PTPRD: variants seen among roughly 807,000 people sequenced by gnomAD.
PTPRD encodes protein tyrosine phosphatase receptor type D, also known as receptor-type tyrosine-protein phosphatase delta.
PTPRD carries 34 observed loss-of-function variants against 214.5 expected under a neutral mutation model. That is an observed-to-expected ratio of 0.16 (90% CI 0.12 to 0.21). PTPRD has a LOEUF of 0.21. Among genes scored for constraint, PTPRD ranks in the 10% least tolerant of loss-of-function variants. The pLI, the probability that PTPRD is intolerant of heterozygous loss-of-function variation, is 1.00. For synonymous variants in PTPRD, 1,128 were observed against 845.7 expected (o/e 1.33, Z -5.79); for missense variants, 2,545 against 2,398.7 (o/e 1.06, Z -1.27).
chr9:10,362,418 A>G (rs2097411979), intron 2 of PTPRD, among the ~76,000 whole-genome samples: 1 of 151,762 alleles, frequency 6.6e-6, no homozygotes, highest in Non-Finnish European at 1.5e-5. Context: ...GTATATCAAA[A>G]GGAACTGAGC....
At chr9:9,653,407 G>A (rs1364898781) in intron 7 of PTPRD, among the ~76,000 whole-genome samples, 1 of 109,010 alleles carries the variant, frequency 9.2e-6, no homozygotes, top group African/African-American at 3.3e-5. Flanking sequence ...CTCATTTTAC[G>A]CCTAAAGAAA....
At chr9:10,092,480 C>T (rs2098442183) in intron 3 of PTPRD, among the ~76,000 whole-genome samples, 1 of 151,268 alleles carries the variant, frequency 6.6e-6, no homozygotes, top group Non-Finnish European at 1.5e-5. Flanking sequence ...ATATTATGGT[C>T]AAAATTACCT....
At chr9:8,649,474 G>A (rs1199297809) in intron 12 of PTPRD, among the ~76,000 whole-genome samples, 1 of 152,336 alleles carries the variant, frequency 6.6e-6, no homozygotes, top group Non-Finnish European at 1.5e-5. Context: ...AGTGAAAGTA[G>A]CTACTATATC....
At chr9:9,201,220 A>G (rs879750548) in intron 9 of PTPRD, among the ~76,000 whole-genome samples, 3 of 152,294 alleles carry the variant, frequency 2.0e-5, no homozygotes, top group Non-Finnish European at 4.4e-5. Flanking sequence ...AAACTAAAAT[A>G]AATGTTGGAA....
chr9:10,233,286 T>A (rs1230987933), intron 3 of PTPRD, among the ~76,000 whole-genome samples: 3 of 152,000 alleles, frequency 2.0e-5, no homozygotes, highest in African/African-American at 7.2e-5. Context: ...AAATTCTTCC[T>A]GCTTGCATGC....
chr9:8,934,686 C>A (rs564340277), intron 11 of PTPRD, among the ~76,000 whole-genome samples: 1 of 149,792 alleles, frequency 6.7e-6, no homozygotes, highest in East Asian at 2.0e-4. Context: ...TAACTATAGT[C>A]GCCATGCTAT....
intron 35 of PTPRD, among the ~76,000 whole-genome samples, chr9:8,429,320 T>C (rs1021497316): frequency 1.3e-5 from 2 of 152,114 alleles, no homozygotes; most frequent in African/African-American, 4.8e-5. Context: ...TGTGTGACCT[T>C]GGGTAAGTCA....
chr9:9,865,833 G>A (rs927159418), intron 5 of PTPRD, among the ~76,000 whole-genome samples: 2 of 152,182 alleles, frequency 1.3e-5, no homozygotes, highest in African/African-American at 2.4e-5. Flanking sequence ...AGATAATTTA[G>A]CTCTTTTCAA....
chr9:8,440,401 T>C (rs1336764131), intron 34 of PTPRD, among the ~76,000 whole-genome samples: 5 of 152,096 alleles, frequency 3.3e-5, no homozygotes, highest in East Asian at 3.9e-4. Context: ...CTGTAAGCTC[T>C]ACCTCCCGGG....
At chr9:9,227,274 T>C (rs1392690199) in intron 9 of PTPRD, among the ~76,000 whole-genome samples, 1 of 152,084 alleles carries the variant, frequency 6.6e-6, no homozygotes, top group African/African-American at 2.4e-5. Flanking sequence ...CCTTCTAAGA[T>C]CCTAGTTTCA....
intron 8 of PTPRD, among the ~76,000 whole-genome samples, chr9:9,419,083 A>C (rs920062117): frequency 7.3e-5 from 11 of 151,004 alleles, no homozygotes; most frequent in Admixed American, 2.0e-4. Context: ...TCTATTGTAC[A>C]ACTGGGTAAG....
intron 7 of PTPRD, among the ~76,000 whole-genome samples, chr9:9,711,341 C>G (rs1227862330): frequency 6.6e-6 from 1 of 152,028 alleles, no homozygotes; most frequent in Non-Finnish European, 1.5e-5. Flanking sequence ...ACGGCAGTTT[C>G]CAAGAATCTA....
At chr9:9,767,009 T>A (rs969305211) in intron 5 of PTPRD, among the ~76,000 whole-genome samples, 158 bp from the exon 6 acceptor site, 2 of 151,990 alleles carry the variant, frequency 1.3e-5, no homozygotes, top group Non-Finnish European at 2.9e-5. Flanking sequence ...TCTTATCTTT[T>A]TTTTTTAATT....
At chr9:8,637,160 T>C (rs934087575) in intron 12 of PTPRD, among the ~76,000 whole-genome samples, 1 of 152,162 alleles carries the variant, frequency 6.6e-6, no homozygotes, top group African/African-American at 2.4e-5. Context: ...AAAAATCCAA[T>C]TTGTCCTCTA....
rs1358247816 is a variant in PTPRD, at chr9:8,501,036, T to C, written c.1846A>G (p.Ile616Val). Residue 616 changes from isoleucine to valine, a missense_variant, in exon 24 of 46, where the codon ATT becomes GTT. Physicochemically the swap from Ile to Val is conservative, Grantham distance 29 (BLOSUM62 3). Transcript: ENST00000381196. ...GTGGAACTTGGGCTGGTGCAACTAA[T>C]GTCTTGAGGAGGAGCTGACGGCTCT... ...QSKPSAPPQDISCTSPSSTSI... is the reference protein window; with the variant it reads ...QSKPSAPPQDVSCTSPSSTSI... 6.2e-6 allele frequency: 10 copies of C among 1,613,284 alleles called. No homozygotes were observed. Among genetic ancestry groups the C allele is most frequent in the Non-Finnish European group, 8.5e-6 (10 of 1,179,570 alleles).
At chr9:8,751,353 T>A (rs1342315549) in intron 11 of PTPRD, among the ~76,000 whole-genome samples, 2 of 151,886 alleles carry the variant, frequency 1.3e-5, no homozygotes, top group Non-Finnish European at 2.9e-5. Flanking sequence ...CGGATCTCTA[T>A]GGCCACACTT....
At chr9:10,334,231 C>A (rs116479328) in intron 3 of PTPRD, among the ~76,000 whole-genome samples, 2 of 151,602 alleles carry the variant, frequency 1.3e-5, no homozygotes, top group Admixed American at 6.6e-5. Flanking sequence ...GGCAAATATA[C>A]CTATATGTTA....
intron 18 of PTPRD, 166 bp downstream of exon 18, chr9:8,524,759 A>G: frequency 1.3e-6 from 1 of 758,782 alleles, no homozygotes; most frequent in Non-Finnish European, 2.4e-6. Flanking sequence ...GGAGTTAAAC[A>G]ACACATTTTA....
At chr9:8,549,410 T>C (rs1283621301) in intron 14 of PTPRD, among the ~76,000 whole-genome samples, 1 of 152,080 alleles carries the variant, frequency 6.6e-6, no homozygotes, top group African/African-American at 2.4e-5. Context: ...CATATGAAAA[T>C]GACAGCTGGA....
Sources: allele counts gnomAD v4.1 joint callset (sites outside exome capture counted in the v4.1 genomes callset), GRCh38; gene constraint gnomAD v4.1.1; transcripts MANE v1.5; gene names NCBI Gene and HGNC (gene_info 2026-07-23, HGNC 2026-07-21).